The following SLC44A5 variants were observed in gnomAD, a reference collection of about 807,000 sequenced individuals.
The protein encoded by SLC44A5 is solute carrier family 44 member 5, also known as choline transporter-like protein 5.
A neutral mutation model predicts 101.8 loss-of-function variants in SLC44A5; 57 were observed. The ratio of observed to expected loss-of-function variants is 0.56; its 90% CI spans 0.45 to 0.70. The LOEUF (loss-of-function observed/expected upper bound fraction) is 0.70. SLC44A5 is among the 30% of genes least tolerant of loss of function. The probability of loss-of-function intolerance (pLI) is 0.00; values close to 1 mark genes in which losing one functional copy is unlikely to be tolerated. For synonymous variants in SLC44A5, 281 were observed against 290.9 expected, an observed-to-expected ratio of 0.97 and a Z score of 0.35; for missense variants, 737 against 853.1, an observed-to-expected ratio of 0.86 and a Z score of 1.70.
chr1:75,359,520 C>A (rs1659337748), intron 3 of SLC44A5, among the ~76,000 whole-genome samples: 1 of 151,898 alleles, frequency 6.6e-6, no homozygotes, highest in South Asian at 2.1e-4. Flanking sequence ...GGATTACAGG[C>A]CTGAGCCACC....
intron 1 of SLC44A5, among the ~76,000 whole-genome samples, chr1:75,545,577 G>A (rs907255542): frequency 4.6e-5 from 7 of 152,136 alleles, no homozygotes; most frequent in African/African-American, 1.7e-4. Flanking sequence ...CTCATCATTG[G>A]TGATGTTAAC....
chr1:75,523,496 A>G (rs963424834), intron 2 of SLC44A5, among the ~76,000 whole-genome samples: 94 of 143,610 alleles, frequency 6.5e-4, no homozygotes, highest in African/African-American at 2.2e-3. Context: ...TTTTTTTTGT[A>G]TTTTTAATAG....
chr1:75,695,181 T>C, the SLC44A5 span, among the ~76,000 whole-genome samples: 3 of 152,190 alleles, frequency 2.0e-5, no homozygotes, highest in Non-Finnish European at 4.4e-5. Flanking sequence ...AGATGATCAT[T>C]AGAAATTACA....
intron 2 of SLC44A5, among the ~76,000 whole-genome samples, chr1:75,535,302 A>G (rs1451512240): frequency 3.3e-5 from 5 of 152,158 alleles, no homozygotes; most frequent in Non-Finnish European, 5.9e-5. Flanking sequence ...GAAGGAGGAA[A>G]GCAGCAAGTA....
At chr1:75,612,944 A>C (rs1415838602), upstream of SLC44A5, among the ~76,000 whole-genome samples, 1 of 152,198 alleles carries the variant, frequency 6.6e-6, no homozygotes, top group African/African-American at 2.4e-5. Flanking sequence ...AAAAGATTCC[A>C]TTGGCCTTTC....
At chr1:75,239,552 T>C (rs908675174) in intron 9 of SLC44A5, among the ~76,000 whole-genome samples, 3 of 152,064 alleles carry the variant, frequency 2.0e-5, no homozygotes, top group African/African-American at 7.2e-5. Context: ...TTTTCTTGTC[T>C]GCTCACCTCT....
At chr1:75,499,128 G>T (rs552868389) in intron 2 of SLC44A5, among the ~76,000 whole-genome samples, 3 of 152,284 alleles carry the variant, frequency 2.0e-5, no homozygotes, top group Admixed American at 6.5e-5. Context: ...TAGGTGTGAA[G>T]TAGGTTATAA....
At chr1:75,589,154 C>T (rs905636372) in intron 1 of SLC44A5, among the ~76,000 whole-genome samples, 2 of 152,162 alleles carry the variant, frequency 1.3e-5, no homozygotes, top group African/African-American at 2.4e-5. Flanking sequence ...AAAGAAAGAC[C>T]TCTGCCACCT....
chr1:75,209,072 T>C (rs1646803151), intron 23 of SLC44A5, among the ~76,000 whole-genome samples: 1 of 152,232 alleles, frequency 6.6e-6, no homozygotes, highest in South Asian at 2.1e-4. Context: ...TTAAGTTTCC[T>C]TGTTCTTTGT....
chr1:75,329,077 C>T lies in SLC44A5; in HGVS notation c.101+10505G>A, dbSNP rs1185163403. Among the ~76,000 whole-genome samples the T allele has an allele frequency of 2.0e-5, 3 of 152,216 alleles. No homozygotes were observed. In the East Asian group the frequency reaches 5.8e-4, roughly 29 times the overall value. ...TAATCTGTACAGCAAACCCCTGTAT[C>T]ACACAGTTTATCTATATAACAACCT... On this transcript the variant is annotated intron_variant, in intron 4 of 23. Coordinates refer to ENST00000370859, the MANE Select transcript of SLC44A5 (RefSeq NM_001130058.2).
chr1:75,614,396 T>C (rs1447649229), upstream of SLC44A5, among the ~76,000 whole-genome samples: 3 of 152,232 alleles, frequency 2.0e-5, no homozygotes, highest in African/African-American at 7.2e-5. Context: ...TAGGTTATAA[T>C]TTTTAACAAC....
At chr1:75,218,930 A>T (rs1244797428) in intron 16 of SLC44A5, among the ~76,000 whole-genome samples, 178 bp from the exon 17 acceptor site, 1 of 152,136 alleles carries the variant, frequency 6.6e-6, no homozygotes, top group African/African-American at 2.4e-5. Flanking sequence ...AGTGCTGGAA[A>T]GTATCCCATT....
At chr1:75,368,662 C>T (rs1397606918) in intron 3 of SLC44A5, among the ~76,000 whole-genome samples, 1 of 150,046 alleles carries the variant, frequency 6.7e-6, no homozygotes, top group African/African-American at 2.4e-5. Flanking sequence ...CACACACACA[C>T]ACACACACAC....
At position 75,213,799 on chromosome 1, in the gene SLC44A5, T is replaced by C. The variant is rs766309217; in HGVS notation, c.1874-6A>G. 1.2e-6 allele frequency: 2 copies of C among 1,604,516 alleles called. No individual in the cohort carries two copies. The highest frequency in any genetic ancestry group is 8.5e-7 in the Non-Finnish European group (1 of 1,171,626). The stretch of plus-strand genomic sequence containing the variant: ...GAATAGGAAGGCCAGAACACCTACA[T>C]TGAAAAGGTAGAACATGTATATTAT... On this transcript the variant is annotated splice_region_variant and splice_polypyrimidine_tract_variant and intron_variant, in intron 21 of 23. Transcript: ENST00000370859.
the SLC44A5 span, among the ~76,000 whole-genome samples, chr1:75,665,042 C>A: frequency 1.3e-5 from 2 of 151,768 alleles, no homozygotes; most frequent in Admixed American, 1.3e-4. Flanking sequence ...CCAAAGCAAT[C>A]AACAGATTCA....
chr1:75,708,126 T>C, the SLC44A5 span, among the ~76,000 whole-genome samples: 1 of 151,956 alleles, frequency 6.6e-6, no homozygotes, highest in Non-Finnish European at 1.5e-5. Flanking sequence ...AAAATGTTTA[T>C]TCTCAGCTGG....
the SLC44A5 span, among the ~76,000 whole-genome samples, chr1:75,703,576 G>A: frequency 6.6e-6 from 1 of 151,788 alleles, no homozygotes; most frequent in Admixed American, 6.6e-5. Context: ...ATGAGTTAAT[G>A]TGTGCAGCAC....
the SLC44A5 span, among the ~76,000 whole-genome samples, chr1:75,697,762 T>G: frequency 6.6e-6 from 1 of 151,934 alleles, no homozygotes; most frequent in African/African-American, 2.4e-5. Flanking sequence ...CACTAGGGAG[T>G]GCCAGAGAGT....
chr1:75,547,191 GA>G (rs1447554292), intron 1 of SLC44A5, among the ~76,000 whole-genome samples: 1 of 151,952 alleles, frequency 6.6e-6, no homozygotes, highest in Admixed American at 6.6e-5. Context: ...AATTTCCAAG[GA>G]AAAAAATTCA....
Sources: gnomAD v4.1 joint callset for allele counts (sites outside exome capture counted in the v4.1 genomes callset) on GRCh38, gnomAD v4.1.1 for gene constraint, MANE v1.5 for transcripts, NCBI Gene and HGNC (gene_info 2026-07-23, HGNC 2026-07-21) for gene names.